SPOCK3: variants seen among roughly 807,000 people sequenced by gnomAD.
SPOCK3 encodes the protein testican-3.
Under a neutral mutation model 56.6 loss-of-function variants are expected in SPOCK3, and 30 were observed. The ratio of observed to expected loss-of-function variants is 0.53; its 90% CI spans 0.40 to 0.72. SPOCK3 has a LOEUF of 0.72. Among genes scored for constraint, SPOCK3 ranks in the 30% least tolerant of loss-of-function variants. The pLI is 0.00. For synonymous variants in SPOCK3, 196 were observed against 183.3 expected, an observed-to-expected ratio of 1.07 and a Z score of -0.56; for missense variants, 527 against 530.0, an observed-to-expected ratio of 0.99 and a Z score of 0.06.
At chr4:166,822,854 C>A (rs1326845337) in intron 6 of SPOCK3, among the ~76,000 whole-genome samples, 1 of 151,962 alleles carries the variant, frequency 6.6e-6, no homozygotes, top group Non-Finnish European at 1.5e-5. Context: ...TATTAAGCAG[C>A]TTTCATTTGG....
chr4:167,016,917 GT>G (rs1750682019), intron 3 of SPOCK3, among the ~76,000 whole-genome samples: 1 of 152,016 alleles, frequency 6.6e-6, no homozygotes, highest in Admixed American at 6.6e-5. Flanking sequence ...CTGTCCCTAC[GT>G]AAGCTATCAA....
intron 8 of SPOCK3, chr4:166,754,286 A>G: frequency 4.7e-6 from 6 of 1,263,586 alleles, no homozygotes; most frequent in Non-Finnish European, 6.0e-6. Context: ...TGGCATTAAT[A>G]CAAAATATTA....
intron 8 of SPOCK3, among the ~76,000 whole-genome samples, chr4:166,747,437 C>T (rs1416522088): frequency 6.6e-6 from 1 of 152,124 alleles, no homozygotes; most frequent in African/African-American, 2.4e-5. Context: ...TTCAACAGCC[C>T]TTCATGCTAA....
intron 4 of SPOCK3, among the ~76,000 whole-genome samples, chr4:166,956,871 T>A: frequency 6.6e-6 from 1 of 152,026 alleles, no homozygotes. Flanking sequence ...CTGCAAACAT[T>A]CTCATCCTCC....
At chr4:167,062,787 T>A (rs1313908833) in intron 2 of SPOCK3, 1 of 475,248 alleles carries the variant, frequency 2.1e-6, no homozygotes, top group Non-Finnish European at 3.8e-6. Context: ...TTCATTTTCA[T>A]TGCAAGTCAA....
At chr4:167,155,209 G>A (rs374164103) in intron 2 of SPOCK3, among the ~76,000 whole-genome samples, 36 of 151,822 alleles carry the variant, frequency 2.4e-4, no homozygotes, top group East Asian at 2.1e-3. Context: ...TCCACCTCCC[G>A]GCTTAAAGCA....
At chr4:167,167,692 G>A (rs1351060622) in intron 2 of SPOCK3, among the ~76,000 whole-genome samples, 1 of 152,134 alleles carries the variant, frequency 6.6e-6, no homozygotes, top group Non-Finnish European at 1.5e-5. Flanking sequence ...GGGAACATTT[G>A]CTCCAGTATC....
At chr4:167,234,276 G>C in intron 1 of SPOCK3, 103 bp from the exon 2 acceptor site, 1 of 1,148,100 alleles carries the variant, frequency 8.7e-7, no homozygotes, top group Non-Finnish European at 1.3e-6. Flanking sequence ...CAACGACGAG[G>C]GTAGAGGGAG....
At chr4:167,171,673 G>A (rs1303555013) in intron 2 of SPOCK3, among the ~76,000 whole-genome samples, 1 of 151,906 alleles carries the variant, frequency 6.6e-6, no homozygotes, top group Non-Finnish European at 1.5e-5. Context: ...ACAAACCCTA[G>A]GGAAGTAAGA....
chr4:166,819,272 T>C (rs1418278860), intron 6 of SPOCK3, among the ~76,000 whole-genome samples: 1 of 152,050 alleles, frequency 6.6e-6, no homozygotes, highest in Non-Finnish European at 1.5e-5. Context: ...AACATCATAA[T>C]TGAAGGCATA....
intron 7 of SPOCK3, among the ~76,000 whole-genome samples, chr4:166,769,686 G>T (rs1480851588): frequency 6.6e-6 from 1 of 152,152 alleles, no homozygotes; most frequent in Non-Finnish European, 1.5e-5. Flanking sequence ...CAAACTCTGT[G>T]CTGGGAGAAG....
chr4:167,030,049 C>T (rs1432399508), intron 3 of SPOCK3, among the ~76,000 whole-genome samples: 1 of 150,782 alleles, frequency 6.6e-6, no homozygotes, highest in Non-Finnish European at 1.5e-5. Context: ...ATAAAGATTT[C>T]TATTTTTGTT....
chr4:166,905,702 A>G (rs1736533630), intron 5 of SPOCK3, among the ~76,000 whole-genome samples: 3 of 152,036 alleles, frequency 2.0e-5, no homozygotes, highest in Admixed American at 2.0e-4. Flanking sequence ...GCATGTATTC[A>G]TGGAGAAGGA....
chr4:166,936,508 G>C (rs1255115423), intron 4 of SPOCK3, among the ~76,000 whole-genome samples: 1 of 151,942 alleles, frequency 6.6e-6, no homozygotes, highest in Admixed American at 6.6e-5. Flanking sequence ...ACAGCAAAGT[G>C]GTTGGTAATT....
At chr4:166,983,876 T>C (rs990501860) in intron 4 of SPOCK3, among the ~76,000 whole-genome samples, 5 of 152,054 alleles carry the variant, frequency 3.3e-5, no homozygotes, top group African/African-American at 1.2e-4. Context: ...GTACCATGTC[T>C]TACAGATAGT....
At chr4:167,051,945 C>T (rs1446804630) in intron 3 of SPOCK3, among the ~76,000 whole-genome samples, 1 of 152,152 alleles carries the variant, frequency 6.6e-6, no homozygotes, top group Non-Finnish European at 1.5e-5. Context: ...TATTTGATTA[C>T]AATTTAATAA....
intron 8 of SPOCK3, among the ~76,000 whole-genome samples, chr4:166,753,730 G>A (rs1226840531): frequency 1.3e-5 from 2 of 151,864 alleles, no homozygotes; most frequent in Non-Finnish European, 2.9e-5. Context: ...AATTCCCAGG[G>A]TATTTTCCTA....
intron 3 of SPOCK3, among the ~76,000 whole-genome samples, chr4:167,027,627 C>A (rs534430017): frequency 2.6e-5 from 4 of 152,076 alleles, no homozygotes; most frequent in South Asian, 4.1e-4. Context: ...GAAGCCTTAC[C>A]GTTAACAGTC....
chr4:167,116,483 T>C (rs1257608060), intron 2 of SPOCK3, among the ~76,000 whole-genome samples: 2 of 42,942 alleles, frequency 4.7e-5, no homozygotes, highest in African/African-American at 1.8e-4. Flanking sequence ...TGTATATATA[T>C]ACTTTTGTGT....
Sources: gnomAD v4.1 joint callset for allele counts (sites outside exome capture counted in the v4.1 genomes callset) on GRCh38, gnomAD v4.1.1 for gene constraint, MANE v1.5 for transcripts, NCBI Gene and HGNC (gene_info 2026-07-23, HGNC 2026-07-21) for gene names.